FRMPD1: variants seen among roughly 807,000 people sequenced by gnomAD.
FRMPD1 encodes the protein FERM and PDZ domain-containing protein 1.
FRMPD1 carries 76 observed loss-of-function variants against 117.8 expected under a neutral mutation model. The ratio of observed to expected loss-of-function variants is 0.65; its 90% confidence interval spans 0.54 to 0.78. The LOEUF (loss-of-function observed/expected upper bound fraction) is 0.78. Among genes scored for constraint, FRMPD1 ranks in the 30% least tolerant of loss-of-function variants. The probability of loss-of-function intolerance (pLI) is 0.00; values close to 1 mark genes in which losing one functional copy is unlikely to be tolerated. For missense variants in FRMPD1, 1,786 were observed against 1,964.5 expected (o/e 0.91, Z 1.72); for synonymous variants, 783 against 770.4 (o/e 1.02, Z -0.27).
Position 37,741,822 on chromosome 9 carries a change from T to C in FRMPD1, c.2356+938T>C, listed in dbSNP as rs142695904. On this transcript the variant is annotated intron_variant, in intron 15 of 15. Transcript: ENST00000377765. ...TCCAGCCTTTGCACATGCTGCTCTT[T>C]CTGACCGAAACACTCCTCCCCAGAT... 4.6e-4 allele frequency among the ~76,000 whole-genome samples: 70 copies of C among 152,280 alleles called. 1 individual carries two copies. The highest frequency in any genetic ancestry group is 3.4e-3 in the Middle Eastern group (1 of 294).
At chr9:37,723,702 C>T (rs1299971767) in intron 6 of FRMPD1, among the ~76,000 whole-genome samples, 1 of 151,990 alleles carries the variant, frequency 6.6e-6, no homozygotes, top group Non-Finnish European at 1.5e-5. Context: ...ACTAAAAATA[C>T]AAAAATTAGG....
upstream of FRMPD1, among the ~76,000 whole-genome samples, chr9:37,649,472 G>A (rs1364903898): frequency 1.3e-5 from 2 of 152,202 alleles, no homozygotes. Flanking sequence ...GTGGCAGAGG[G>A]CTGGGGCACT....
At chr9:37,671,645 A>G (rs1821355687) in intron 1 of FRMPD1, among the ~76,000 whole-genome samples, 1 of 152,186 alleles carries the variant, frequency 6.6e-6, no homozygotes, top group Non-Finnish European at 1.5e-5. Flanking sequence ...GAGAAAACTT[A>G]ACAAGTGGGA....
chr9:37,728,471 G>A (rs962489250), intron 7 of FRMPD1, among the ~76,000 whole-genome samples: 1 of 152,176 alleles, frequency 6.6e-6, no homozygotes, highest in Non-Finnish European at 1.5e-5. Flanking sequence ...AGTATACTGG[G>A]CAGAGGGAAC....
the FRMPD1 span, among the ~76,000 whole-genome samples, chr9:37,615,064 C>T: frequency 5.9e-5 from 9 of 152,084 alleles, no homozygotes; most frequent in Admixed American, 2.0e-4. Context: ...CCAAGACTTG[C>T]TTGTCTGACC....
At chr9:37,714,836 C>A (rs1588950873) in intron 5 of FRMPD1, among the ~76,000 whole-genome samples, 1 of 152,048 alleles carries the variant, frequency 6.6e-6, no homozygotes, top group East Asian at 1.9e-4. Context: ...TTGGTAGAGG[C>A]AGGGTTTCAC....
chr9:37,685,578 T>G (rs367793671), intron 1 of FRMPD1, among the ~76,000 whole-genome samples: 85 of 151,944 alleles, frequency 5.6e-4, no homozygotes, highest in Admixed American at 1.4e-3. Flanking sequence ...CGTGAACCCA[T>G]GAGGCGGAGA....
chr9:37,608,056 G>A, the FRMPD1 span, among the ~76,000 whole-genome samples: 3 of 152,226 alleles, frequency 2.0e-5, no homozygotes, highest in African/African-American at 4.8e-5. Flanking sequence ...TATTGAAGGC[G>A]AGACGGGGTA....
the FRMPD1 span, among the ~76,000 whole-genome samples, chr9:37,620,350 T>C: frequency 1.3e-5 from 2 of 152,210 alleles, no homozygotes; most frequent in Non-Finnish European, 2.9e-5. Flanking sequence ...TTGAGGCAGA[T>C]GCCTTAATTA....
chr9:37,692,606 T>C, intron 1 of FRMPD1, 32 bp from the exon 2 acceptor site: 1 of 1,366,506 alleles, frequency 7.3e-7, no homozygotes, highest in Non-Finnish European at 1.0e-6. Flanking sequence ...GTATTTTGGT[T>C]AGCATCTTAA....
intron 1 of FRMPD1, among the ~76,000 whole-genome samples, chr9:37,656,061 G>A (rs773145216): frequency 7.9e-5 from 12 of 152,124 alleles, no homozygotes; most frequent in Non-Finnish European, 1.6e-4. Flanking sequence ...TGTGTATGTG[G>A]CCACAGCTCA....
chr9:37,605,298 G>T, the FRMPD1 span, among the ~76,000 whole-genome samples: 3 of 152,190 alleles, frequency 2.0e-5, no homozygotes, highest in African/African-American at 7.2e-5. Context: ...CTTGGGAGAA[G>T]CAGAATGCTA....
intron 1 of FRMPD1, among the ~76,000 whole-genome samples, chr9:37,665,026 C>T (rs762943467): frequency 6.6e-6 from 1 of 152,004 alleles, no homozygotes; most frequent in Admixed American, 6.6e-5. Flanking sequence ...ATACAGACAT[C>T]GAAAATAAAC....
the FRMPD1 span, among the ~76,000 whole-genome samples, chr9:37,623,467 A>G: frequency 1.3e-5 from 2 of 152,336 alleles, no homozygotes; most frequent in Middle Eastern, 3.4e-3. Flanking sequence ...TGAACCTTGA[A>G]GTCTGTGAAG....
Position 37,744,887 on chromosome 9 carries a change from A to G in FRMPD1, c.2855A>G (p.Asn952Ser). 1.2e-6 allele frequency: 2 copies of G among 1,614,128 alleles called. No homozygotes were observed. The highest frequency in any genetic ancestry group is 1.7e-6 in the Non-Finnish European group (2 of 1,180,006). Residue 952 changes from asparagine (N) to serine (S), a missense_variant, in exon 16 of 16, where the codon AAT becomes AGT. Transcript: ENST00000377765. ...SAIRFRIDPN[N>S]KENSGVVPAA... ...ATTCGCTTCCGGATTGACCCCAACAATAAAGAGAATTCTGGTGTTGTCCCT... is the reference window on the plus strand; with the variant it reads ...ATTCGCTTCCGGATTGACCCCAACAGTAAAGAGAATTCTGGTGTTGTCCCT...
chr9:37,686,553 G>A (rs116163930), intron 1 of FRMPD1, among the ~76,000 whole-genome samples: 1 of 152,324 alleles, frequency 6.6e-6, no homozygotes, highest in African/African-American at 2.4e-5. Flanking sequence ...AGACCTTGCT[G>A]AGTCAGGGAG....
chr9:37,702,628 A>G (rs1025863634), intron 2 of FRMPD1, among the ~76,000 whole-genome samples: 1 of 152,104 alleles, frequency 6.6e-6, no homozygotes, highest in Non-Finnish European at 1.5e-5. Flanking sequence ...AAGGCCTGGG[A>G]AGGGGAGTGG....
chr9:37,715,507 T>C (rs1823080648), intron 5 of FRMPD1, among the ~76,000 whole-genome samples: 1 of 152,206 alleles, frequency 6.6e-6, no homozygotes, highest in Admixed American at 6.5e-5. Context: ...CAGTGCCCTT[T>C]TAAACATTAA....
At position 37,689,339 on chromosome 9, in the gene FRMPD1, C is replaced by T. The variant is rs538503101; in HGVS notation, c.-4-3299C>T. The stretch of plus-strand genomic sequence containing the variant: ...AAGCAGTGAACTATAATTTTATTTT[C>T]TTATACAACTTTTTATTTTCCTTGG... On this transcript the variant is annotated intron_variant, in intron 1 of 15. Coordinates refer to ENST00000377765, the MANE Select transcript of FRMPD1 (RefSeq NM_014907.3). 2.6e-5 allele frequency among the ~76,000 whole-genome samples: 4 copies of T among 152,094 alleles called. No individual in the cohort carries two copies. The South Asian group carries it at 8.3e-4, about 32-fold the overall frequency.
Sources: allele counts gnomAD v4.1 joint callset (sites outside exome capture counted in the v4.1 genomes callset), GRCh38; gene constraint gnomAD v4.1.1; transcripts MANE v1.5; gene names NCBI Gene and HGNC (gene_info 2026-07-23, HGNC 2026-07-21).